The following MTUS2 variants were observed in gnomAD, a reference collection of about 807,000 sequenced individuals.
MTUS2 encodes the protein microtubule associated scaffold protein 2, also known as microtubule-associated tumor suppressor candidate 2.
MTUS2 carries 40 observed loss-of-function variants against 114.1 expected under a neutral mutation model. That is an observed-to-expected ratio of 0.35 (90% CI 0.27 to 0.46). MTUS2 has a LOEUF of 0.46. Among genes scored for constraint, MTUS2 ranks in the 20% least tolerant of loss-of-function variants. The pLI, the probability that MTUS2 is intolerant of heterozygous loss-of-function variation, is 1.00. For missense variants in MTUS2, 1,679 were observed against 1,705.4 expected (o/e 0.98, Z 0.27); for synonymous variants, 688 against 672.0 (o/e 1.02, Z -0.37).
chr13:28,905,107 A>G (rs1428336840), intron 2 of MTUS2, among the ~76,000 whole-genome samples: 1 of 151,632 alleles, frequency 6.6e-6, no homozygotes, highest in Admixed American at 6.6e-5. Context: ...TTGATTTTGT[A>G]TCCTGAGACT....
At chr13:28,852,934 G>A (rs530882981) in intron 2 of MTUS2, among the ~76,000 whole-genome samples, 49 of 28,954 alleles carry the variant, frequency 1.7e-3, no homozygotes, top group African/African-American at 5.7e-3. Flanking sequence ...CATACATAGC[G>A]AGCCTCTGTC....
chr13:29,194,835 G>A (rs1325357976), intron 5 of MTUS2, among the ~76,000 whole-genome samples: 1 of 151,786 alleles, frequency 6.6e-6, no homozygotes, highest in Non-Finnish European at 1.5e-5. Flanking sequence ...GCAAAGACTT[G>A]GAACCAACCC....
intron 8 of MTUS2, among the ~76,000 whole-genome samples, chr13:29,390,781 T>A (rs961480463): frequency 1.9e-4 from 28 of 149,994 alleles, no homozygotes; most frequent in African/African-American, 6.9e-4. Flanking sequence ...ATGATGATGA[T>A]GATGATGATG....
chr13:29,019,593 T>C (rs1411668708), intron 2 of MTUS2, among the ~76,000 whole-genome samples: 2 of 152,190 alleles, frequency 1.3e-5, no homozygotes, highest in Non-Finnish European at 2.9e-5. Flanking sequence ...CAGTTACAAA[T>C]GTCTCGGATT....
chr13:29,196,970 C>G (rs1477612418), intron 5 of MTUS2, among the ~76,000 whole-genome samples: 1 of 152,002 alleles, frequency 6.6e-6, no homozygotes, highest in Non-Finnish European at 1.5e-5. Context: ...GGGCATATAC[C>G]CAGAAGTGGG....
intron 4 of MTUS2, among the ~76,000 whole-genome samples, chr13:29,092,036 C>T (rs1300361753): frequency 6.6e-6 from 1 of 152,166 alleles, no homozygotes; most frequent in Non-Finnish European, 1.5e-5. Context: ...TGAACCTCAG[C>T]CAAAAATTTG....
chr13:29,360,690 C>CG (rs1491252367), intron 8 of MTUS2, among the ~76,000 whole-genome samples: 2 of 5,942 alleles, frequency 3.4e-4, no homozygotes, highest in Non-Finnish European at 4.7e-4. Flanking sequence ...AGCCGAACAC[C>CG]CCCCCCCCCC....
intron 2 of MTUS2, among the ~76,000 whole-genome samples, chr13:28,991,880 A>G (rs1048728724): frequency 1.3e-5 from 2 of 152,092 alleles, no homozygotes; most frequent in Non-Finnish European, 1.5e-5. Context: ...TGAGATGTCA[A>G]GGGTTTCTTA....
intron 5 of MTUS2, among the ~76,000 whole-genome samples, chr13:29,164,538 T>G (rs1893234727): frequency 6.6e-6 from 1 of 152,244 alleles, no homozygotes. Flanking sequence ...GGGAAAAGCC[T>G]TTTTAGTTTC....
chr13:29,365,048 T>G lies in MTUS2; in HGVS notation c.3117+5575T>G, dbSNP rs139609159. On this transcript the variant is annotated intron_variant, in intron 8 of 15. Transcript: ENST00000612955. ...AAGGTAAATTAATGGTTCCTATGGT[T>G]GTTGTTCTGAAAGAATATTATGTGT... Among the ~76,000 whole-genome samples the G allele has an allele frequency of 8.3e-3, 1,259 of 152,302 alleles. 59 individuals are homozygous for G. Among genetic ancestry groups the G allele is most frequent in the Admixed American group, 0.072 (1,102 of 15,306 alleles).
At chr13:29,317,071 T>C (rs1900021400) in intron 6 of MTUS2, among the ~76,000 whole-genome samples, 1 of 152,218 alleles carries the variant, frequency 6.6e-6, no homozygotes, top group Non-Finnish European at 1.5e-5. Context: ...TTCATAATAA[T>C]CTTCAGAATT....
chr13:29,116,577 G>A (rs1161943371), intron 5 of MTUS2, among the ~76,000 whole-genome samples: 4 of 152,122 alleles, frequency 2.6e-5, no homozygotes, highest in Non-Finnish European at 5.9e-5. Flanking sequence ...ATTAGACACA[G>A]CAAGAGATTA....
chr13:28,914,151 A>G (rs1472209479), intron 2 of MTUS2, among the ~76,000 whole-genome samples: 2 of 151,160 alleles, frequency 1.3e-5, no homozygotes, highest in Non-Finnish European at 3.0e-5. Context: ...GTCTTCTCCT[A>G]GCTTTGCGGT....
At chr13:28,852,900 A>ATACATACATAC (rs1555267743) in intron 2 of MTUS2, among the ~76,000 whole-genome samples, 120 of 148,606 alleles carry the variant, frequency 8.1e-4, no homozygotes, top group Non-Finnish European at 1.6e-3. Flanking sequence ...CTCTGTCTTA[A>ATACATACATAC]ATACATACAT....
intron 2 of MTUS2, among the ~76,000 whole-genome samples, chr13:28,844,371 A>G (rs186055435): frequency 6.6e-6 from 1 of 152,272 alleles, no homozygotes; most frequent in African/African-American, 2.4e-5. Flanking sequence ...GTTGTTATTC[A>G]TTGTACTTAG....
Position 29,389,564 on chromosome 13 carries a change from T to C in MTUS2, c.3117+30091T>C, listed in dbSNP as rs1471452561. Among the ~76,000 whole-genome samples, 108 of 56,520 alleles carry C rather than the reference T, an allele frequency of 1.9e-3. 14 individuals are homozygous for C. Among genetic ancestry groups the C allele is most frequent in the African/African-American group, 5.6e-3 (101 of 17,920 alleles). 37.1% of individuals were successfully genotyped at this position (56,520 alleles called of 152,430 possible). A position where few individuals can be genotyped will look rare whatever the true frequency, so the allele number is the denominator to read the frequency against. ...GTGTATATGTATACACGTGTGTATA[T>C]GTGTACATATGTGTGTATACGTATA... On this transcript the variant is annotated intron_variant, in intron 8 of 15. Transcript: ENST00000612955.
intron 4 of MTUS2, among the ~76,000 whole-genome samples, chr13:29,075,955 A>G (rs910785156): frequency 4.6e-5 from 7 of 152,210 alleles, no homozygotes; most frequent in African/African-American, 1.7e-4. Context: ...ACACTTTACC[A>G]GAAGAGTGAG....
intron 2 of MTUS2, among the ~76,000 whole-genome samples, chr13:28,900,550 A>C (rs1293827339): frequency 6.6e-6 from 1 of 152,234 alleles, no homozygotes; most frequent in Non-Finnish European, 1.5e-5. Context: ...GTGTGTAACC[A>C]TTAAGATTGA....
intron 5 of MTUS2, among the ~76,000 whole-genome samples, chr13:29,138,749 TA>T (rs1593518574): frequency 6.6e-6 from 1 of 151,708 alleles, no homozygotes; most frequent in African/African-American, 2.4e-5. Flanking sequence ...GCTTTTTTTT[TA>T]AAAAATAACT....
Sources: gnomAD v4.1 joint callset for allele counts (sites outside exome capture counted in the v4.1 genomes callset) on GRCh38, gnomAD v4.1.1 for gene constraint, MANE v1.5 for transcripts, NCBI Gene and HGNC (gene_info 2026-07-23, HGNC 2026-07-21) for gene names.